Variants in KHDRBS2 observed in about 807,000 individuals in gnomAD.
KHDRBS2 encodes the protein KH RNA binding domain containing, signal transduction associated 2, also known as KH domain-containing, RNA-binding, signal transduction-associated protein 2.
In KHDRBS2, 26 loss-of-function variants were observed where a neutral mutation model predicts 44.3. The observed-to-expected ratio is 0.59, with a 90% CI of 0.43 to 0.81. The LOEUF (loss-of-function observed/expected upper bound fraction) is 0.81, where lower values mean the gene tolerates loss of function less well. Among genes scored for constraint, KHDRBS2 ranks in the 40% least tolerant of loss-of-function variants. The probability of loss-of-function intolerance (pLI) is 0.00; values close to 1 mark genes in which losing one functional copy is unlikely to be tolerated. For missense variants in KHDRBS2, 476 were observed against 433.1 expected, an observed-to-expected ratio of 1.10 and a Z score of -0.88; for synonymous variants, 194 against 151.1, an observed-to-expected ratio of 1.28 and a Z score of -2.08.
chr6:61,784,339 GT>G (rs1783462211), intron 6 of KHDRBS2, among the ~76,000 whole-genome samples: 1 of 151,660 alleles, frequency 6.6e-6, no homozygotes, highest in South Asian at 2.1e-4. Context: ...TAATGACTTT[GT>G]CAAGAGGTGC....
intron 4 of KHDRBS2, among the ~76,000 whole-genome samples, chr6:61,903,207 A>G (rs1043455489): frequency 3.3e-4 from 50 of 152,230 alleles, no homozygotes; most frequent in African/African-American, 1.2e-3. Context: ...ACCAGGTACT[A>G]TCAAAATGAA....
At chr6:62,070,886 C>G (rs1005777112) in intron 2 of KHDRBS2, among the ~76,000 whole-genome samples, 5 of 152,076 alleles carry the variant, frequency 3.3e-5, no homozygotes, top group African/African-American at 1.2e-4. Context: ...AATGGTATTT[C>G]TAGTTCTAGA....
the KHDRBS2 span, among the ~76,000 whole-genome samples, chr6:61,602,314 A>C: frequency 6.6e-6 from 1 of 152,142 alleles, no homozygotes; most frequent in Non-Finnish European, 1.5e-5. Context: ...AGAACTTCCA[A>C]AGGCTTGAAC....
intron 8 of KHDRBS2, among the ~76,000 whole-genome samples, chr6:61,691,220 C>G (rs1008035854): frequency 6.6e-6 from 1 of 152,060 alleles, no homozygotes; most frequent in African/African-American, 2.4e-5. Flanking sequence ...AAAATTGAAA[C>G]TGTAAATACT....
chr6:61,790,503 G>C (rs1168797550), intron 6 of KHDRBS2, among the ~76,000 whole-genome samples: 1 of 150,768 alleles, frequency 6.6e-6, no homozygotes, highest in Non-Finnish European at 1.5e-5. Flanking sequence ...TCTTTACCTG[G>C]ATGGTTTCAC....
intron 2 of KHDRBS2, among the ~76,000 whole-genome samples, chr6:62,072,021 C>G (rs778827549): frequency 2.0e-5 from 3 of 152,098 alleles, no homozygotes; most frequent in Non-Finnish European, 2.9e-5. Flanking sequence ...TTTCCTTGAG[C>G]AGTGGTTTGT....
chr6:61,569,748 G>A, the KHDRBS2 span, among the ~76,000 whole-genome samples: 1 of 152,144 alleles, frequency 6.6e-6, no homozygotes, highest in Non-Finnish European at 1.5e-5. Flanking sequence ...TCTCATTACA[G>A]AACTCTTCAC....
chr6:61,799,187 G>A (rs1785857134), intron 6 of KHDRBS2, among the ~76,000 whole-genome samples: 1 of 151,878 alleles, frequency 6.6e-6, no homozygotes, highest in Non-Finnish European at 1.5e-5. Context: ...AACAAAAAAA[G>A]CATTAAATAG....
chr6:62,109,999 C>G (rs779392524), intron 2 of KHDRBS2, among the ~76,000 whole-genome samples: 1 of 151,670 alleles, frequency 6.6e-6, no homozygotes, highest in Non-Finnish European at 1.5e-5. Flanking sequence ...AATGAAAAGC[C>G]AGGTCATAAA....
intron 3 of KHDRBS2, among the ~76,000 whole-genome samples, chr6:62,005,973 C>T (rs533982201): frequency 5.9e-5 from 9 of 151,736 alleles, no homozygotes; most frequent in African/African-American, 9.7e-5. Flanking sequence ...AATTTGAAAG[C>T]AATATTAAGA....
chr6:62,161,506 T>C (rs1270094631), intron 2 of KHDRBS2, among the ~76,000 whole-genome samples: 1 of 137,648 alleles, frequency 7.3e-6, no homozygotes, highest in Non-Finnish European at 1.5e-5. Flanking sequence ...GAGAATTGCA[T>C]AGGTTGTATG....
chr6:61,854,184 G>A (rs1795841843), intron 6 of KHDRBS2, among the ~76,000 whole-genome samples: 1 of 152,008 alleles, frequency 6.6e-6, no homozygotes, highest in Non-Finnish European at 1.5e-5. Flanking sequence ...TTTGCTCCAT[G>A]GCAATTTCAT....
chr6:62,158,664 T>A (rs1441065741), intron 2 of KHDRBS2, among the ~76,000 whole-genome samples: 1 of 152,128 alleles, frequency 6.6e-6, no homozygotes, highest in Non-Finnish European at 1.5e-5. Context: ...GACATCCATA[T>A]AAATTAAGGT....
chr6:62,077,200 T>C (rs530898346), intron 2 of KHDRBS2, among the ~76,000 whole-genome samples: 2 of 152,136 alleles, frequency 1.3e-5, no homozygotes, highest in African/African-American at 2.4e-5. Flanking sequence ...GCAAGGACCA[T>C]ATTAAGTTCA....
At chr6:62,210,327 C>CTTTT (rs70996209) in intron 1 of KHDRBS2, among the ~76,000 whole-genome samples, 1 of 122,150 alleles carries the variant, frequency 8.2e-6, no homozygotes, top group South Asian at 2.7e-4. Flanking sequence ...TTCTAGCATT[C>CTTTT]TTTTTTTTTT....
At chr6:61,998,932 A>C (rs189532097) in intron 3 of KHDRBS2, among the ~76,000 whole-genome samples, 151 of 152,200 alleles carry the variant, frequency 9.9e-4, no homozygotes, top group African/African-American at 3.6e-3. Flanking sequence ...ATATATGTAC[A>C]CATATATTTC....
chr6:61,931,806 C>T (rs201466850), intron 4 of KHDRBS2, among the ~76,000 whole-genome samples: 2 of 152,034 alleles, frequency 1.3e-5, no homozygotes, highest in East Asian at 1.9e-4. Flanking sequence ...TCCTCTTCCA[C>T]CTCCTCCACC....
chr6:62,089,916 A>AG (rs1337884753), intron 2 of KHDRBS2, among the ~76,000 whole-genome samples: 2 of 152,168 alleles, frequency 1.3e-5, no homozygotes, highest in Non-Finnish European at 2.9e-5. Context: ...AGCCACAGAT[A>AG]AGGGGTCTGA....
At chr6:61,952,570 A>T (rs1167743217) in intron 4 of KHDRBS2, among the ~76,000 whole-genome samples, 1 of 152,052 alleles carries the variant, frequency 6.6e-6, no homozygotes, top group Admixed American at 6.6e-5. Flanking sequence ...CAAAACTGCA[A>T]TTACATTTGC....
Sources: gnomAD v4.1 joint callset for allele counts (sites outside exome capture counted in the v4.1 genomes callset) on GRCh38, gnomAD v4.1.1 for gene constraint, MANE v1.5 for transcripts, NCBI Gene and HGNC (gene_info 2026-07-23, HGNC 2026-07-21) for gene names.